The following HOXB3 variants were observed in gnomAD, a reference collection of about 807,000 sequenced individuals.
The protein encoded by HOXB3 is homeobox protein Hox-B3.
Under a neutral mutation model 29.2 loss-of-function variants are expected in HOXB3, and 17 were observed. The ratio of observed to expected loss-of-function variants is 0.58; its 90% CI spans 0.40 to 0.87. The LOEUF (loss-of-function observed/expected upper bound fraction) is 0.87, where lower values mean the gene tolerates loss of function less well. Ranked by LOEUF, HOXB3 falls within the 40% of genes least tolerant of loss-of-function variation. The pLI, the probability that HOXB3 is intolerant of heterozygous loss-of-function variation, is 0.00. For synonymous variants in HOXB3, 317 were observed against 285.9 expected (o/e 1.11, Z -1.10); for missense variants, 637 against 616.3 (o/e 1.03, Z -0.35).
intron 1 of HOXB3, among the ~76,000 whole-genome samples, chr17:48,589,731 A>G (rs939198007): frequency 2.6e-5 from 4 of 152,194 alleles, no homozygotes; most frequent in Non-Finnish European, 5.9e-5. Context: ...TGAATGTCAT[A>G]AAGTTTCTTT....
chr17:48,576,985 A>G, intron 1 of HOXB3: 3 of 1,610,396 alleles, frequency 1.9e-6, no homozygotes, highest in Non-Finnish European at 2.5e-6. Context: ...GCGGTCCGAG[A>G]GCGCTTGGGC....
At position 48,549,668 on chromosome 17, in the gene HOXB3, G is replaced by A. The variant is rs2144719253; in HGVS notation, c.*666C>T. ...AAAAATGTATATAATTTATAATATA[G>A]GCAGCTCTTTCAGGATCTCTCACCA... On this transcript the variant is annotated 3_prime_UTR_variant, in exon 5 of 5. Coordinates refer to ENST00000498678, the MANE Select transcript of HOXB3 (RefSeq NM_001384749.1). 1 of 152,612 alleles carries A rather than the reference G, an allele frequency of 6.6e-6. No individual in the cohort carries two copies. Among genetic ancestry groups the A allele is most frequent in the Non-Finnish European group, 1.5e-5 (1 of 68,036 alleles). 9.5% of individuals were successfully genotyped at this position (152,612 alleles called of 1,614,324 possible). A position where few individuals can be genotyped will look rare whatever the true frequency, so the allele number is the denominator to read the frequency against.
chr17:48,552,087 A>C lies in HOXB3; in HGVS notation c.388T>G (p.Phe130Val), dbSNP rs1377222858. ...GTNSTLTKQI[F>V]PWMKESRQTS... Reference sequence around the variant, plus strand: ...TGCCTCGACTCTTTCATCCAGGGGAATATCTGTTTGGTGAGGGTGGAGTTG... The same window carrying C: ...TGCCTCGACTCTTTCATCCAGGGGACTATCTGTTTGGTGAGGGTGGAGTTG... Residue 130 changes from phenylalanine to valine, a missense_variant, in exon 4 of 5, where the codon TTC (phenylalanine) becomes GTC (valine). Phe to Val is a conservative substitution (Grantham distance 50). Transcript: ENST00000498678. 1 of 1,610,872 alleles carries C rather than the reference A, an allele frequency of 6.2e-7. No homozygotes were observed. The highest frequency in any genetic ancestry group is 8.5e-7 in the Non-Finnish European group (1 of 1,177,756).
chr17:48,586,223 A>G (rs1427406310), intron 1 of HOXB3, among the ~76,000 whole-genome samples: 2 of 152,232 alleles, frequency 1.3e-5, no homozygotes, highest in Non-Finnish European at 2.9e-5. Flanking sequence ...ATCACTGAGA[A>G]AAGGAATAAG....
intron 1 of HOXB3, among the ~76,000 whole-genome samples, chr17:48,584,784 A>G (rs2070014966): frequency 6.6e-6 from 1 of 151,968 alleles, no homozygotes. Context: ...TTCCTTCCTC[A>G]GTTTCCCTTC....
chr17:48,588,451 G>A (rs1172554634), intron 1 of HOXB3, among the ~76,000 whole-genome samples: 2 of 152,224 alleles, frequency 1.3e-5, no homozygotes, highest in Non-Finnish European at 2.9e-5. Flanking sequence ...TGGGGTTCTA[G>A]CTTCCAGAAG....
intron 2 of HOXB3, among the ~76,000 whole-genome samples, chr17:48,559,178 A>G (rs890370048): frequency 3.3e-5 from 5 of 151,982 alleles, no homozygotes; most frequent in African/African-American, 7.3e-5. Context: ...AGGCGACGGG[A>G]GCACTTTAAA....
At chr17:48,568,125 C>G (rs1035224794) in intron 2 of HOXB3, among the ~76,000 whole-genome samples, 3 of 152,196 alleles carry the variant, frequency 2.0e-5, no homozygotes, top group Non-Finnish European at 1.5e-5. Flanking sequence ...TAATTTCTTT[C>G]TCCACTTCCA....
In HOXB3 at chr17:48,569,226, AG is replaced by A. The variant is rs1475139582; in HGVS notation, c.-247+4610del. Among the ~76,000 whole-genome samples the A allele has an allele frequency of 3.9e-5, 6 of 152,048 alleles. No individual in the cohort carries two copies. In the East Asian group the frequency reaches 1.2e-3, roughly 29 times the overall value. ...ATGAATCACGTGACCGGGAGGGGGA[AG>A]GGGGTCTTTCGATTTCAGGCTCAAA... On this transcript the variant is annotated intron_variant, in intron 2 of 4. Coordinates refer to ENST00000498678, the MANE Select transcript of HOXB3 (RefSeq NM_001384749.1).
At chr17:48,572,289 G>A (rs934921274) in intron 2 of HOXB3, among the ~76,000 whole-genome samples, 4 of 152,178 alleles carry the variant, frequency 2.6e-5, no homozygotes, top group African/African-American at 9.7e-5. Flanking sequence ...TGAGGAGATT[G>A]AGAATTAGGG....
intron 1 of HOXB3, among the ~76,000 whole-genome samples, chr17:48,584,925 C>T (rs906143569): frequency 2.0e-5 from 3 of 149,598 alleles, no homozygotes; most frequent in African/African-American, 7.4e-5. Flanking sequence ...CCCACCGCCC[C>T]ACCCCGCCCC....
At chr17:48,572,794 G>A (rs2069628512) in intron 2 of HOXB3, among the ~76,000 whole-genome samples, 1 of 152,162 alleles carries the variant, frequency 6.6e-6, no homozygotes. Context: ...TGGAGAAGAT[G>A]GGACATATGA....
chr17:48,587,470 G>C (rs1270066811), intron 1 of HOXB3, among the ~76,000 whole-genome samples: 2 of 152,174 alleles, frequency 1.3e-5, no homozygotes, highest in African/African-American at 4.8e-5. Context: ...GTCCATGCTG[G>C]GGAGACTAGC....
At chr17:48,590,053 A>G (rs1212400839) in intron 1 of HOXB3, 72 bp downstream of exon 1, 1 of 152,226 alleles carries the variant, frequency 6.6e-6, no homozygotes, top group Non-Finnish European at 1.5e-5. Flanking sequence ...CCCAGGTGGA[A>G]ACAAGTTTTC....
At chr17:48,576,663 T>TC in intron 1 of HOXB3, 3 of 167,398 alleles carry the variant, frequency 1.8e-5, no homozygotes, top group Non-Finnish European at 3.0e-5. Context: ...CCCCACCCCA[T>TC]CCCCTGCACT....
chr17:48,568,946 G>T (rs1391280098), intron 2 of HOXB3, among the ~76,000 whole-genome samples: 2 of 152,118 alleles, frequency 1.3e-5, no homozygotes, highest in Non-Finnish European at 2.9e-5. Context: ...AGACGCGGTA[G>T]GTAGTGAGAA....
At chr17:48,583,139 A>T (rs1323183902) in intron 1 of HOXB3, among the ~76,000 whole-genome samples, 1 of 152,012 alleles carries the variant, frequency 6.6e-6, no homozygotes, top group African/African-American at 2.4e-5. Context: ...TGACCACTCC[A>T]CCTCTTGGGG....
intron 1 of HOXB3, chr17:48,578,576 A>T (rs2069849786): frequency 2.5e-6 from 1 of 394,736 alleles, no homozygotes; most frequent in Admixed American, 6.7e-5. Context: ...ACCAGGATTT[A>T]CATAGGGCTC....
chr17:48,588,813 T>C (rs1042611809), intron 1 of HOXB3, among the ~76,000 whole-genome samples: 1 of 152,148 alleles, frequency 6.6e-6, no homozygotes, highest in African/African-American at 2.4e-5. Context: ...GCTCAGGGAA[T>C]AGAAAGTGGC....
Sources: allele counts gnomAD v4.1 joint callset (sites outside exome capture counted in the v4.1 genomes callset), GRCh38; gene constraint gnomAD v4.1.1; transcripts MANE v1.5; gene names NCBI Gene and HGNC (gene_info 2026-07-23, HGNC 2026-07-21).